Variants in MARCHF1 observed in about 807,000 individuals in gnomAD.
The protein encoded by MARCHF1 is membrane associated ring-CH-type finger 1, also known as E3 ubiquitin-protein ligase MARCHF1.
A neutral mutation model predicts 54.2 loss-of-function variants in MARCHF1; 40 were observed. That is an observed-to-expected ratio of 0.74 (90% CI 0.57 to 0.96). The LOEUF (loss-of-function observed/expected upper bound fraction) is 0.96, where lower values mean the gene tolerates loss of function less well. Ranked by LOEUF, MARCHF1 falls within the 40% of genes least tolerant of loss-of-function variation. The pLI is 0.00. For missense variants in MARCHF1, 586 were observed against 656.5 expected (o/e 0.89, Z 1.17); for synonymous variants, 236 against 236.3 (o/e 1.00, Z 0.01).
Position 164,235,262 on chromosome 4 carries a change from TA to T in MARCHF1, c.-322-123601del, listed in dbSNP as rs575258838. On this transcript the variant is annotated intron_variant, in intron 1 of 9. Transcript: ENST00000514618. Reference sequence around the variant, plus strand: ...TCCCTGTATCTCATATTTCAAATTCTAAATGGCCCTAAATAACAAAAATATA... The same window carrying T: ...TCCCTGTATCTCATATTTCAAATTCTAATGGCCCTAAATAACAAAAATATA... Among the ~76,000 whole-genome samples, 8 of 152,280 alleles carry T rather than the reference TA, an allele frequency of 5.3e-5. No individual in the cohort carries two copies. The East Asian group carries it at 7.7e-4, about 15-fold the overall frequency.
intron 3 of MARCHF1, among the ~76,000 whole-genome samples, chr4:163,914,990 G>T (rs1452940254): frequency 6.6e-6 from 1 of 152,120 alleles, no homozygotes; most frequent in Non-Finnish European, 1.5e-5. Context: ...GGAGAAATAG[G>T]CAGGGGACAG....
At chr4:163,993,882 A>G (rs1753013233) in intron 2 of MARCHF1, among the ~76,000 whole-genome samples, 1 of 152,152 alleles carries the variant, frequency 6.6e-6, no homozygotes, top group Non-Finnish European at 1.5e-5. Context: ...AGGATTAAAT[A>G]AAATCAAATT....
intron 5 of MARCHF1, among the ~76,000 whole-genome samples, chr4:163,679,379 G>A (rs1418094197): frequency 6.6e-6 from 1 of 152,064 alleles, no homozygotes; most frequent in Non-Finnish European, 1.5e-5. Context: ...GCCACTTAAC[G>A]CTTTTTTAGC....
At chr4:163,532,744 A>C (rs1738394759) in intron 9 of MARCHF1, among the ~76,000 whole-genome samples, 1 of 152,040 alleles carries the variant, frequency 6.6e-6, no homozygotes, top group African/African-American at 2.4e-5. Context: ...GTCATCAATG[A>C]AGATAAACAG....
In MARCHF1 at chr4:164,190,085, T is replaced by C. The variant is rs1731084503; in HGVS notation, c.-322-78423A>G. On this transcript the variant is annotated intron_variant, in intron 1 of 9. Transcript: ENST00000514618. ...ATGAGCTGGAAAGCTATGGCTATTC[T>C]CTAAAGAATCAGATTGGAGATAAAG... 2.6e-5 allele frequency: 37 copies of C among 1,422,428 alleles called. No homozygotes were observed. In the South Asian group the frequency reaches 4.4e-4, roughly 17 times the overall value. The allele number at this position is 1,422,428 out of a possible 1,614,324, so 88.1% of individuals were successfully genotyped here.
chr4:163,573,917 A>C (rs1003248785), intron 8 of MARCHF1, among the ~76,000 whole-genome samples: 2 of 149,816 alleles, frequency 1.3e-5, no homozygotes, highest in Non-Finnish European at 3.0e-5. Flanking sequence ...GAACTAGTTT[A>C]CAGTCCCACC....
At chr4:163,572,319 CTTT>C (rs11363041) in intron 8 of MARCHF1, among the ~76,000 whole-genome samples, 1 of 144,076 alleles carries the variant, frequency 6.9e-6, no homozygotes, top group Non-Finnish European at 1.5e-5. Flanking sequence ...CTCTTTCTTC[CTTT>C]TTTTTTTTTT....
At position 164,141,213 on chromosome 4, in the gene MARCHF1, C is replaced by T. The variant is rs190226529; in HGVS notation, c.-322-29551G>A. Among the ~76,000 whole-genome samples the T allele has an allele frequency of 2.1e-3, 325 of 152,292 alleles. 1 individual carries two copies. Among genetic ancestry groups the T allele is most frequent in the African/African-American group, 7.2e-3 (300 of 41,566 alleles). On this transcript the variant is annotated intron_variant, in intron 1 of 9. Transcript: ENST00000514618. ...CCTTTGTGGCAAATGTATGCCACTA[C>T]TGATACTTTCTAAGGATGGGGGCTT...
chr4:164,368,717 G>A (rs113341519), intron 1 of MARCHF1, among the ~76,000 whole-genome samples: 34 of 152,192 alleles, frequency 2.2e-4, no homozygotes, highest in African/African-American at 7.5e-4. Flanking sequence ...CAGATTAGAA[G>A]CCAAAAAATT....
intron 1 of MARCHF1, among the ~76,000 whole-genome samples, chr4:164,374,944 G>A (rs766352609): frequency 1.3e-5 from 2 of 152,076 alleles, no homozygotes; most frequent in African/African-American, 2.4e-5. Context: ...AAATATTAAA[G>A]GGTCATTTCA....
At chr4:164,147,777 C>G (rs1729800185) in intron 1 of MARCHF1, among the ~76,000 whole-genome samples, 1 of 148,844 alleles carries the variant, frequency 6.7e-6, no homozygotes, top group Admixed American at 6.7e-5. Context: ...ACAAATGTAA[C>G]TAACCTGCAC....
intron 4 of MARCHF1, among the ~76,000 whole-genome samples, chr4:163,774,864 T>C (rs1247121405): frequency 6.6e-6 from 1 of 152,120 alleles, no homozygotes; most frequent in Non-Finnish European, 1.5e-5. Context: ...ATTATCCCTA[T>C]CTTCTAAAGG....
chr4:163,794,252 T>C (rs2110949223), intron 4 of MARCHF1, among the ~76,000 whole-genome samples: 1 of 152,330 alleles, frequency 6.6e-6, no homozygotes, highest in African/African-American at 2.4e-5. Context: ...ATTATGTATG[T>C]TCCCTACATA....
At chr4:163,677,784 A>G (rs553125871) in intron 5 of MARCHF1, among the ~76,000 whole-genome samples, 1 of 152,346 alleles carries the variant, frequency 6.6e-6, no homozygotes, top group African/African-American at 2.4e-5. Context: ...AGAGTGCTGG[A>G]CACACACTAC....
At chr4:163,895,112 C>T (rs1460500036) in intron 3 of MARCHF1, among the ~76,000 whole-genome samples, 1 of 152,108 alleles carries the variant, frequency 6.6e-6, no homozygotes, top group African/African-American at 2.4e-5. Context: ...TATATATACG[C>T]ATGAGTCGAT....
intron 2 of MARCHF1, among the ~76,000 whole-genome samples, chr4:164,031,543 G>A (rs1280860690): frequency 6.6e-6 from 1 of 152,018 alleles, no homozygotes; most frequent in Non-Finnish European, 1.5e-5. Flanking sequence ...AGCGTGAAGG[G>A]ATACTGAATT....
At chr4:164,350,159 T>C (rs557132778) in intron 1 of MARCHF1, among the ~76,000 whole-genome samples, 4 of 152,342 alleles carry the variant, frequency 2.6e-5, no homozygotes, top group South Asian at 2.1e-4. Flanking sequence ...TTTACTCTCA[T>C]AGTCATGGTA....
chr4:163,879,998 G>T (rs565227467), intron 3 of MARCHF1, among the ~76,000 whole-genome samples: 3 of 151,880 alleles, frequency 2.0e-5, no homozygotes, highest in Non-Finnish European at 4.4e-5. Flanking sequence ...GCCCATGATG[G>T]CTAAGAAAAA....
intron 1 of MARCHF1, among the ~76,000 whole-genome samples, chr4:164,323,033 T>G (rs1051585861): frequency 6.6e-6 from 1 of 151,934 alleles, no homozygotes; most frequent in Admixed American, 6.6e-5. Context: ...AAAAATCAAA[T>G]TAATAGCTAT....
Sources: gnomAD v4.1 joint callset for allele counts (sites outside exome capture counted in the v4.1 genomes callset) on GRCh38, gnomAD v4.1.1 for gene constraint, MANE v1.5 for transcripts, NCBI Gene and HGNC (gene_info 2026-07-23, HGNC 2026-07-21) for gene names.